CYP39A1: variants seen among roughly 807,000 people sequenced by gnomAD.
The protein encoded by CYP39A1 is cytochrome P450 family 39 subfamily A member 1, also known as 24-hydroxycholesterol 7-alpha-hydroxylase.
CYP39A1 carries 49 observed loss-of-function variants against 58.1 expected under a neutral mutation model. The ratio of observed to expected loss-of-function variants is 0.84; its 90% CI spans 0.67 to 1.07. CYP39A1 has a LOEUF of 1.07. CYP39A1 is among the 50% of genes least tolerant of loss of function. The pLI, the probability that CYP39A1 is intolerant of heterozygous loss-of-function variation, is 0.00. For synonymous variants in CYP39A1, 209 were observed against 187.6 expected, an observed-to-expected ratio of 1.11 and a Z score of -0.93; for missense variants, 531 against 539.4, an observed-to-expected ratio of 0.98 and a Z score of 0.16.
chr6:46,643,842 G>A (rs751280703), intron 1 of CYP39A1, among the ~76,000 whole-genome samples: 2 of 152,084 alleles, frequency 1.3e-5, no homozygotes, highest in African/African-American at 4.8e-5. Context: ...CAGCAGCCTC[G>A]GTGTTACGAA....
At chr6:46,581,261 A>G (rs1372582282) in intron 10 of CYP39A1, among the ~76,000 whole-genome samples, 3 of 152,136 alleles carry the variant, frequency 2.0e-5, no homozygotes, top group African/African-American at 7.2e-5. Context: ...TTTTTTTAAA[A>G]TTAGCTGGGC....
intron 10 of CYP39A1, among the ~76,000 whole-genome samples, chr6:46,573,143 T>C (rs903010396): frequency 2.0e-5 from 3 of 152,280 alleles, no homozygotes; most frequent in South Asian, 2.1e-4. Flanking sequence ...TTTAGGAAGC[T>C]TACAGATCTC....
At chr6:46,554,714 TA>T (rs1448584391) in intron 10 of CYP39A1, among the ~76,000 whole-genome samples, 3 of 152,156 alleles carry the variant, frequency 2.0e-5, no homozygotes, top group Non-Finnish European at 4.4e-5. Context: ...TTAGGAAGCA[TA>T]GCCCTTAATG....
chr6:46,575,224 A>G (rs952941798), intron 10 of CYP39A1, among the ~76,000 whole-genome samples: 1 of 152,190 alleles, frequency 6.6e-6, no homozygotes, highest in Non-Finnish European at 1.5e-5. Flanking sequence ...CAGCCTGGAA[A>G]GAGCCCAGAG....
chr6:46,585,918 T>C (rs1429638472), intron 10 of CYP39A1, among the ~76,000 whole-genome samples: 4 of 152,208 alleles, frequency 2.6e-5, no homozygotes, highest in Middle Eastern at 3.4e-3. Context: ...TCATATCCAA[T>C]GGGACAGGAT....
At chr6:46,565,841 C>T (rs1771245072) in intron 10 of CYP39A1, among the ~76,000 whole-genome samples, 1 of 152,182 alleles carries the variant, frequency 6.6e-6, no homozygotes, top group Admixed American at 6.5e-5. Context: ...TCAGATCACA[C>T]ATCATTACCC....
At chr6:46,618,907 C>A (rs1774783547) in intron 7 of CYP39A1, among the ~76,000 whole-genome samples, 1 of 152,080 alleles carries the variant, frequency 6.6e-6, no homozygotes, top group South Asian at 2.1e-4. Context: ...CAATCTAGAA[C>A]TACACCCTTC....
intron 7 of CYP39A1, among the ~76,000 whole-genome samples, chr6:46,618,981 C>T (rs1774789863): frequency 6.6e-6 from 1 of 152,080 alleles, no homozygotes; most frequent in Admixed American, 6.6e-5. Flanking sequence ...GGCCAGATAT[C>T]AGGCCACTAG....
chr6:46,620,873 AC>A (rs1160739894), intron 7 of CYP39A1, among the ~76,000 whole-genome samples: 1 of 151,876 alleles, frequency 6.6e-6, no homozygotes, highest in Non-Finnish European at 1.5e-5. Context: ...AAGAATGCAA[AC>A]ATTACAGAAT....
chr6:46,632,048 T>C (rs1775695274), intron 5 of CYP39A1, among the ~76,000 whole-genome samples: 1 of 152,228 alleles, frequency 6.6e-6, no homozygotes, highest in African/African-American at 2.4e-5. Flanking sequence ...GTATTGCAAG[T>C]ATTTAACCCA....
At chr6:46,590,859 T>G (rs1772790614) in intron 8 of CYP39A1, among the ~76,000 whole-genome samples, 1 of 152,214 alleles carries the variant, frequency 6.6e-6, no homozygotes, top group South Asian at 2.1e-4. Flanking sequence ...ATATTCATGG[T>G]GAATATTTCT....
At chr6:46,636,900 G>T (rs919216323) in intron 4 of CYP39A1, among the ~76,000 whole-genome samples, 4 of 152,130 alleles carry the variant, frequency 2.6e-5, no homozygotes, top group African/African-American at 7.2e-5. Context: ...GTAGATGAAT[G>T]GTCTACGTAG....
intron 10 of CYP39A1, among the ~76,000 whole-genome samples, chr6:46,557,763 C>A (rs1770731580): frequency 6.6e-6 from 1 of 150,534 alleles, no homozygotes; most frequent in South Asian, 2.1e-4. Context: ...ATGGTGAAAT[C>A]CCATCTCTAC....
intron 10 of CYP39A1, among the ~76,000 whole-genome samples, chr6:46,566,733 A>G (rs1198773808): frequency 6.6e-6 from 1 of 152,060 alleles, no homozygotes; most frequent in Non-Finnish European, 1.5e-5. Flanking sequence ...AATAGAAATG[A>G]TCTTATGGCT....
At chr6:46,595,265 TA>T (rs1773080219) in intron 8 of CYP39A1, among the ~76,000 whole-genome samples, 1 of 151,902 alleles carries the variant, frequency 6.6e-6, no homozygotes, top group Admixed American at 6.6e-5. Flanking sequence ...CTCAAAAAAT[TA>T]AAAATAGAAC....
Position 46,652,422 on chromosome 6 carries a change from T to C in CYP39A1, c.161A>G (p.Glu54Gly). 1.2e-6 allele frequency: 2 copies of C among 1,612,662 alleles called. No homozygotes were observed. Among genetic ancestry groups the C allele is most frequent in the Non-Finnish European group, 1.7e-6 (2 of 1,179,492 alleles). Residue 54 changes from glutamate (E) to glycine (G), a missense_variant, in exon 1 of 12, where the codon GAG becomes GGG. Transcript: ENST00000275016. ...ACCACATACCTTGATTCTTGCTTTC[T>C]CTATAAATTCTAGAGGGGCTTTCCC... The part of the protein sequence containing the change: ...EFGKAPLEFI[E>G]KARIKYGPIF...
chr6:46,550,786 C>T (rs1029660808), intron 11 of CYP39A1, among the ~76,000 whole-genome samples: 3 of 152,154 alleles, frequency 2.0e-5, no homozygotes, highest in African/African-American at 7.2e-5. Context: ...TTTAGAATCG[C>T]TGAGTGAGAT....
At chr6:46,620,045 G>T (rs1187430148) in intron 7 of CYP39A1, among the ~76,000 whole-genome samples, 2 of 152,088 alleles carry the variant, frequency 1.3e-5, no homozygotes, top group Non-Finnish European at 2.9e-5. Context: ...TAAGTATCAA[G>T]TTTTTAGAAT....
intron 2 of CYP39A1, among the ~76,000 whole-genome samples, chr6:46,641,531 A>T (rs958214875): frequency 6.6e-6 from 1 of 152,152 alleles, no homozygotes; most frequent in Admixed American, 6.5e-5. Flanking sequence ...CACAAAAAAG[A>T]ACCAGACACA....
Sources: allele counts gnomAD v4.1 joint callset (sites outside exome capture counted in the v4.1 genomes callset), GRCh38; gene constraint gnomAD v4.1.1; transcripts MANE v1.5; gene names NCBI Gene and HGNC (gene_info 2026-07-23, HGNC 2026-07-21).